EXOC4: variants seen among roughly 807,000 people sequenced by gnomAD.
EXOC4 encodes the protein exocyst complex component 4.
In EXOC4, 71 loss-of-function variants were observed where a neutral mutation model predicts 107.2. The ratio of observed to expected loss-of-function variants is 0.66; its 90% CI spans 0.55 to 0.81. EXOC4 has a LOEUF of 0.81. Among genes scored for constraint, EXOC4 ranks in the 30% least tolerant of loss-of-function variants. EXOC4 has a pLI of 0.00. For missense variants in EXOC4, 1,108 were observed against 1,189.6 expected (o/e 0.93, Z 1.01); for synonymous variants, 456 against 441.2 (o/e 1.03, Z -0.42).
intron 9 of EXOC4, among the ~76,000 whole-genome samples, chr7:133,506,848 T>C (rs890650608): frequency 1.2e-4 from 19 of 152,250 alleles, no homozygotes; most frequent in Admixed American, 1.2e-3. Context: ...ATTTGACATT[T>C]GTAGTTTTTC....
rs991540793 is a variant in EXOC4, at chr7:133,276,538, CTT to C, written c.276+1376_276+1377del. Among the ~76,000 whole-genome samples, 16 of 149,486 alleles carry C rather than the reference CTT, an allele frequency of 1.1e-4. No homozygotes were observed. In the South Asian group the frequency reaches 1.7e-3, roughly 16 times the overall value. On this transcript the variant is annotated intron_variant, in intron 2 of 17. Transcript: ENST00000253861. ...TCAGGCATTTTTAAAGCAGCAGAAA[CTT>C]TTTTTTTTAATGTGATATTTTGCAG...
intron 17 of EXOC4, among the ~76,000 whole-genome samples, chr7:134,044,076 C>T (rs1031201436): frequency 6.6e-6 from 1 of 152,206 alleles, no homozygotes; most frequent in Non-Finnish European, 1.5e-5. Context: ...CATGGATAAT[C>T]TCAACTAATC....
intron 7 of EXOC4, among the ~76,000 whole-genome samples, chr7:133,444,138 T>C (rs1178382927): frequency 6.6e-6 from 1 of 152,150 alleles, no homozygotes; most frequent in African/African-American, 2.4e-5. Context: ...TCTGAGTGTT[T>C]CTTCAGGAGA....
the EXOC4 span, among the ~76,000 whole-genome samples, chr7:134,096,758 C>G: frequency 6.6e-6 from 1 of 152,104 alleles, no homozygotes; most frequent in Non-Finnish European, 1.5e-5. Flanking sequence ...CAAGTGCTCC[C>G]ACGTTCTTCT....
intron 9 of EXOC4, among the ~76,000 whole-genome samples, chr7:133,517,994 A>G (rs975150698): frequency 6.6e-6 from 1 of 151,624 alleles, no homozygotes; most frequent in East Asian, 1.9e-4. Context: ...GACTGGCTCG[A>G]TTAGGGTTGG....
chr7:133,273,494 GC>G (rs1315801267), intron 1 of EXOC4, among the ~76,000 whole-genome samples: 1 of 152,144 alleles, frequency 6.6e-6, no homozygotes. Flanking sequence ...GTCCTGAGTG[GC>G]TTTTGCCCTT....
intron 7 of EXOC4, among the ~76,000 whole-genome samples, chr7:133,380,860 CTGACAT>C (rs1796603615): frequency 6.6e-6 from 1 of 152,180 alleles, no homozygotes; most frequent in Non-Finnish European, 1.5e-5. Context: ...GGTGAGAGGT[CTGACAT>C]AGAAATAACA....
chr7:133,637,236 T>C (rs1455840591), intron 10 of EXOC4, among the ~76,000 whole-genome samples: 1 of 152,230 alleles, frequency 6.6e-6, no homozygotes, highest in Non-Finnish European at 1.5e-5. Context: ...TTTATACTTT[T>C]TGTTTTAATA....
intron 5 of EXOC4, among the ~76,000 whole-genome samples, chr7:133,322,674 T>C (rs920060025): frequency 1.1e-4 from 17 of 152,358 alleles, no homozygotes; most frequent in African/African-American, 3.1e-4. Context: ...TTTGTTCTGT[T>C]TGCTTAGGAT....
intron 2 of EXOC4, among the ~76,000 whole-genome samples, chr7:133,284,008 A>G (rs1196737131): frequency 6.6e-6 from 1 of 152,204 alleles, no homozygotes; most frequent in Non-Finnish European, 1.5e-5. Context: ...AGGGCAATTT[A>G]GTATTAAAAG....
At chr7:133,419,676 C>G (rs1401902089) in intron 7 of EXOC4, among the ~76,000 whole-genome samples, 2 of 152,088 alleles carry the variant, frequency 1.3e-5, no homozygotes, top group Non-Finnish European at 2.9e-5. Flanking sequence ...TAGAAGACAG[C>G]AAATGTTGGT....
At chr7:134,068,412 C>T (rs1796215047), downstream of EXOC4, among the ~76,000 whole-genome samples, 1 of 152,186 alleles carries the variant, frequency 6.6e-6, no homozygotes, top group Non-Finnish European at 1.5e-5. Context: ...AGTTCTCCCA[C>T]ACATTTCTCC....
intron 9 of EXOC4, among the ~76,000 whole-genome samples, chr7:133,599,698 T>C (rs1360380414): frequency 1.3e-5 from 2 of 152,132 alleles, no homozygotes; most frequent in African/African-American, 4.8e-5. Context: ...TTTTTTGAAA[T>C]TGTGTGGAGT....
intron 17 of EXOC4, among the ~76,000 whole-genome samples, chr7:134,033,588 A>G (rs1795319313): frequency 6.6e-6 from 1 of 152,160 alleles, no homozygotes; most frequent in Non-Finnish European, 1.5e-5. Flanking sequence ...GAGTCCGAGG[A>G]AAAGAGAACA....
At chr7:133,686,686 A>T (rs1383710828) in intron 10 of EXOC4, among the ~76,000 whole-genome samples, 1 of 152,200 alleles carries the variant, frequency 6.6e-6, no homozygotes, top group Admixed American at 6.6e-5. Flanking sequence ...TACATCTGCA[A>T]GAATGGCCAT....
At chr7:133,385,568 G>C (rs1161082835) in intron 7 of EXOC4, among the ~76,000 whole-genome samples, 3 of 152,164 alleles carry the variant, frequency 2.0e-5, no homozygotes, top group Non-Finnish European at 2.9e-5. Flanking sequence ...TTAATTCTTG[G>C]AGTAGTTACA....
intron 7 of EXOC4, among the ~76,000 whole-genome samples, chr7:133,375,781 AT>A (rs1195059284): frequency 6.6e-6 from 1 of 152,108 alleles, no homozygotes; most frequent in Non-Finnish European, 1.5e-5. Context: ...ACTTTGCTTG[AT>A]TTGTTGAAGA....
chr7:133,618,487 C>A (rs539795873), intron 9 of EXOC4, among the ~76,000 whole-genome samples: 1 of 152,116 alleles, frequency 6.6e-6, no homozygotes, highest in South Asian at 2.1e-4. Context: ...CAAGACTGAG[C>A]AAATGGAAAA....
At chr7:133,722,897 A>G (rs892377561) in intron 10 of EXOC4, among the ~76,000 whole-genome samples, 16 of 152,198 alleles carry the variant, frequency 1.1e-4, no homozygotes, top group African/African-American at 3.9e-4. Flanking sequence ...AATTTGTGTC[A>G]GTCTGAATTC....
Sources: gnomAD v4.1 joint callset for allele counts (sites outside exome capture counted in the v4.1 genomes callset) on GRCh38, gnomAD v4.1.1 for gene constraint, MANE v1.5 for transcripts, NCBI Gene and HGNC (gene_info 2026-07-23, HGNC 2026-07-21) for gene names.